The following DNAH5 variants were observed in gnomAD, a reference collection of about 807,000 sequenced individuals.
DNAH5 encodes dynein axonemal heavy chain 5, also known as axonemal beta dynein heavy chain 5.
Under a neutral mutation model 518.2 loss-of-function variants are expected in DNAH5, and 372 were observed. The observed-to-expected ratio is 0.72, with a 90% CI of 0.66 to 0.78. The LOEUF (loss-of-function observed/expected upper bound fraction) is 0.78. DNAH5 is among the 30% of genes least tolerant of loss of function. DNAH5 has a pLI of 0.00. For synonymous variants in DNAH5, 2,039 were observed against 2,025.9 expected, an observed-to-expected ratio of 1.01 and a Z score of -0.17; for missense variants, 5,523 against 5,687.0, an observed-to-expected ratio of 0.97 and a Z score of 0.93.
At chr5:13,734,446 G>A (rs933483905) in intron 68 of DNAH5, among the ~76,000 whole-genome samples, 1 of 152,128 alleles carries the variant, frequency 6.6e-6, no homozygotes, top group African/African-American at 2.4e-5. Flanking sequence ...TGTTTCGTTT[G>A]AATGGCCCAG....
At chr5:13,720,683 T>A (rs1013190743) in intron 71 of DNAH5, among the ~76,000 whole-genome samples, 3 of 152,128 alleles carry the variant, frequency 2.0e-5, no homozygotes, top group Non-Finnish European at 2.9e-5. Context: ...GATCTAAACT[T>A]CTTAGGTGAG....
chr5:13,946,357 T>C (rs1245295921), upstream of DNAH5, among the ~76,000 whole-genome samples: 1 of 152,178 alleles, frequency 6.6e-6, no homozygotes, highest in Non-Finnish European at 1.5e-5. Context: ...CCTTCCAGTC[T>C]GTGTGGCTGA....
rs1418413415 is a variant in DNAH5 at position 13,714,590 on chromosome 5, A to T, written c.12940T>A (p.Phe4314Ile). ...ATGTCAGCATTGGGGTGCAGCCCAA[A>T]CACCTCAGGGCTGTCATAGGCAGGC... The part of the protein sequence containing the change: ...SLPAYDSPEV[F>I]GLHPNADITY... The change falls in exon 75 of 79, where the codon TTT (phenylalanine) becomes ATT (isoleucine). Residue 4314 changes from phenylalanine to isoleucine, a missense_variant. Coordinates refer to ENST00000265104, the MANE Select transcript of DNAH5 (RefSeq NM_001369.3). 1 of 1,613,992 alleles carries T rather than the reference A, an allele frequency of 6.2e-7. No individual in the cohort carries two copies. Among genetic ancestry groups the T allele is most frequent in the African/African-American group, 1.3e-5 (1 of 74,916 alleles).
intron 53 of DNAH5, among the ~76,000 whole-genome samples, chr5:13,778,129 G>A (rs1417100856): frequency 3.9e-5 from 6 of 152,070 alleles, no homozygotes; most frequent in African/African-American, 1.2e-4. Context: ...AGAGAAAAGA[G>A]CCATCTGATT....
chr5:13,805,315 T>C (rs1214538271), intron 47 of DNAH5, among the ~76,000 whole-genome samples: 2 of 152,094 alleles, frequency 1.3e-5, no homozygotes, highest in Non-Finnish European at 2.9e-5. Context: ...CTGGACATCA[T>C]GGTGAAACCC....
chr5:13,735,006 C>T (rs894660919), intron 68 of DNAH5, 125 bp downstream of exon 68: 1 of 823,514 alleles, frequency 1.2e-6, no homozygotes, highest in East Asian at 2.6e-5. Flanking sequence ...AATAAAATAT[C>T]TCATCTAAAT....
chr5:13,697,978 G>T (rs545932648), intron 78 of DNAH5, among the ~76,000 whole-genome samples: 46 of 152,340 alleles, frequency 3.0e-4, no homozygotes, highest in Middle Eastern at 3.4e-3. Context: ...GGTAGAGTCT[G>T]ATAAAAGGTG....
intron 1 of DNAH5, among the ~76,000 whole-genome samples, chr5:13,968,359 AG>A (rs757518812): frequency 6.6e-6 from 1 of 152,178 alleles, no homozygotes; most frequent in Non-Finnish European, 1.5e-5. Flanking sequence ...GTTGAATAGA[AG>A]TGGTGAAAGT....
intron 41 of DNAH5, 37 bp from the exon 42 acceptor site, chr5:13,817,731 TG>T: frequency 6.2e-7 from 1 of 1,608,858 alleles, no homozygotes; most frequent in South Asian, 1.1e-5. Context: ...ACATCTCAGA[TG>T]GGAAGTGAAC....
chr5:13,857,235 C>G (rs1201089034), intron 30 of DNAH5, among the ~76,000 whole-genome samples: 5 of 152,092 alleles, frequency 3.3e-5, no homozygotes, highest in South Asian at 4.2e-4. Context: ...AACAGAGAGC[C>G]AAATCGTTAG....
rs774615775 is a variant in DNAH5 at position 13,726,124 on chromosome 5, C to G, written c.12033+1383G>C. Among the ~76,000 whole-genome samples the G allele has an allele frequency of 2.6e-5, 4 of 152,330 alleles. No individual in the cohort carries two copies. In the South Asian group the frequency reaches 8.3e-4, roughly 32 times the overall value. On this transcript the variant is annotated intron_variant, in intron 70 of 78. Transcript: ENST00000265104. ...CTATGGGGAATGGGATTGAATGTATCTACATTGTAGACCTACTAATATGCT... is the reference window on the plus strand; with the variant it reads ...CTATGGGGAATGGGATTGAATGTATGTACATTGTAGACCTACTAATATGCT...
intron 2 of DNAH5, 82 bp downstream of exon 2, chr5:13,931,028 A>G: frequency 6.2e-7 from 1 of 1,605,872 alleles, no homozygotes; most frequent in Non-Finnish European, 8.5e-7. Context: ...TGGGCACAGC[A>G]TGGGATCCTG....
intron 69 of DNAH5, among the ~76,000 whole-genome samples, chr5:13,728,242 C>T (rs1746021358): frequency 6.6e-6 from 1 of 152,152 alleles, no homozygotes; most frequent in Non-Finnish European, 1.5e-5. Flanking sequence ...AGTACATTAT[C>T]CTCTGCAGCT....
intron 60 of DNAH5, among the ~76,000 whole-genome samples, chr5:13,760,439 C>T (rs7733137): frequency 0.21 from 32,416 of 151,956 alleles, 3,632 homozygotes; most frequent in Admixed American, 0.27. Context: ...GTCTAGTCCC[C>T]GGCACATAAC....
In DNAH5 at chr5:13,884,113, C is replaced by T. The variant is rs558099473; in HGVS notation, c.2983+876G>A. 4.6e-5 allele frequency among the ~76,000 whole-genome samples: 7 copies of T among 151,782 alleles called. No individual in the cohort carries two copies. The East Asian group carries it at 5.8e-4, about 13-fold the overall frequency. On this transcript the variant is annotated intron_variant, in intron 19 of 78. Coordinates refer to ENST00000265104, the MANE Select transcript of DNAH5 (RefSeq NM_001369.3). ...TACAACACCTATTTCTGAACTGTGC[C>T]GAGGAAAAGATGATGCTATTGAAAA...
rs748787177 is a variant in DNAH5 at position 13,735,153 on chromosome 5, T to G, written c.11739A>C (p.Glu3913Asp). 1.5e-5 allele frequency: 25 copies of G among 1,614,024 alleles called. No individual in the cohort carries two copies. The South Asian group carries it at 2.6e-4, about 17-fold the overall frequency. The change falls in exon 68 of 79, where the codon GAA (glutamate) becomes GAC (aspartate). Residue 3913 changes from glutamate (E) to aspartate (D), a missense_variant. Glu to Asp is a conservative substitution (Grantham distance 45). Transcript: ENST00000265104. ...GACCTTTAATAAGAGTGAGAAACTC[T>G]TCATGCTTGACTCGGTTCCTCTGGA... Reference protein sequence around the residue: ...IDIQRNRVKHEEFLTLIKGGA... With the variant: ...IDIQRNRVKHDEFLTLIKGGA...
At chr5:14,001,695 G>A (rs1283039620) in intron 1 of DNAH5, among the ~76,000 whole-genome samples, 1 of 148,510 alleles carries the variant, frequency 6.7e-6, no homozygotes, top group Admixed American at 6.7e-5. Flanking sequence ...TTTTTTTAAG[G>A]ATACTTTATA....
intron 49 of DNAH5, 144 bp downstream of exon 49, chr5:13,793,371 T>C (rs1396633720): frequency 2.8e-6 from 2 of 713,302 alleles, no homozygotes; most frequent in East Asian, 5.2e-5. Context: ...GGAAATGAAA[T>C]ACACTGCTTG....
chr5:13,928,024 T>C, intron 3 of DNAH5, 70 bp downstream of exon 3: 1 of 1,356,442 alleles, frequency 7.4e-7, no homozygotes. Flanking sequence ...ACAGTAGCTT[T>C]CTTCTTCAAG....
Sources: allele counts gnomAD v4.1 joint callset (sites outside exome capture counted in the v4.1 genomes callset), GRCh38; gene constraint gnomAD v4.1.1; transcripts MANE v1.5; gene names NCBI Gene and HGNC (gene_info 2026-07-23, HGNC 2026-07-21).